PTCD3: variants seen among roughly 807,000 people sequenced by gnomAD.
The protein encoded by PTCD3 is small ribosomal subunit protein mS39.
PTCD3 carries 89 observed loss-of-function variants against 101.9 expected under a neutral mutation model. That is an observed-to-expected ratio of 0.87 (90% CI 0.74 to 1.04). The LOEUF (loss-of-function observed/expected upper bound fraction) is 1.04. Among genes scored for constraint, PTCD3 ranks in the 50% least tolerant of loss-of-function variants. The pLI is 0.00. For missense variants in PTCD3, 870 were observed against 828.2 expected (o/e 1.05, Z -0.62); for synonymous variants, 296 against 278.5 (o/e 1.06, Z -0.63).
At position 86,141,959 on chromosome 2, in the gene PTCD3, A is replaced by G. The variant is rs1360465534; in HGVS notation, c.*4400A>G. On this transcript the variant is annotated 3_prime_UTR_variant, in exon 24 of 24. Coordinates refer to ENST00000254630, the MANE Select transcript of PTCD3 (RefSeq NM_017952.6). ...TGCTTTTTGCACATGTTACTGAGTT[A>G]CATCTCAGGAAGATTTTTAAGCACG... 1 of 152,176 alleles carries G rather than the reference A, an allele frequency of 6.6e-6. No homozygotes were observed. Among genetic ancestry groups the G allele is most frequent in the African/African-American group, 2.4e-5 (1 of 41,416 alleles). 9.4% of individuals were successfully genotyped at this position (152,176 alleles called of 1,614,324 possible). A position where few individuals can be genotyped will look rare whatever the true frequency, so the allele number is the denominator to read the frequency against.
chr2:86,116,988 C>A, intron 5 of PTCD3, 67 bp from the exon 6 acceptor site: 1 of 700,522 alleles, frequency 1.4e-6, no homozygotes, highest in Non-Finnish European at 2.5e-6. Flanking sequence ...GAAATTCTTG[C>A]TGAGAGTGTA....
At chr2:86,130,510 A>G in intron 14 of PTCD3, 138 bp from the exon 15 acceptor site, 3 of 1,333,638 alleles carry the variant, frequency 2.2e-6, no homozygotes, top group South Asian at 1.9e-5. Context: ...TTTAGCAAGC[A>G]TTGGCCTCCA....
In PTCD3 at chr2:86,108,394, A is replaced by G; in HGVS notation, c.149A>G (p.Asp50Gly). 1 of 1,607,272 alleles carries G rather than the reference A, an allele frequency of 6.2e-7. No homozygotes were observed. Among genetic ancestry groups the G allele is most frequent in the Non-Finnish European group, 8.5e-7 (1 of 1,177,652 alleles). ...ACCCTCTCAAAGGTTGAAGGAACTG[A>G]TGTAACAGGTATATTTTAAAATATA... ...SATLSKVEGTDVTGIEEVVIP... is the reference protein window; with the variant it reads ...SATLSKVEGTGVTGIEEVVIP... The change falls in exon 2 of 24, where the codon GAT becomes GGT. Residue 50 changes from aspartate to glycine, a missense_variant. Transcript: ENST00000254630.
intron 4 of PTCD3, chr2:86,111,752 GT>G: frequency 6.4e-6 from 1 of 156,338 alleles, no homozygotes; most frequent in Non-Finnish European, 1.4e-5. Flanking sequence ...TGTTTGTTTT[GT>G]TTTGTTTGAG....
Position 86,127,247 on chromosome 2 carries a change from T to C in PTCD3, c.1038T>C (p.His346=). ...NTILKCLRRF[H]VFARSPALQV... ...TTCTGAAATGTCTCCGAAGATTTCATGTGTTTGCAAGATCGCCAGCCTTAC... is the reference window on the plus strand; with the variant it reads ...TTCTGAAATGTCTCCGAAGATTTCACGTGTTTGCAAGATCGCCAGCCTTAC... Residue 346 remains histidine, a synonymous_variant, in exon 13 of 24, where the codon CAT becomes CAC. Transcript: ENST00000254630. 2.5e-6 allele frequency: 4 copies of C among 1,614,134 alleles called. No individual in the cohort carries two copies. The highest frequency in any genetic ancestry group is 2.2e-5 in the South Asian group (2 of 91,082).
chr2:86,118,071 G>A lies in PTCD3; in HGVS notation c.415-850G>A, dbSNP rs560000946. Among the ~76,000 whole-genome samples, 192 of 152,138 alleles carry A rather than the reference G, an allele frequency of 1.3e-3. 3 individuals are homozygous for A. Among genetic ancestry groups the A allele is most frequent in the Non-Finnish European group, 4.0e-4 (27 of 68,030 alleles). On this transcript the variant is annotated intron_variant, in intron 6 of 23. Coordinates refer to ENST00000254630, the MANE Select transcript of PTCD3 (RefSeq NM_017952.6). ...ATTACAGGTGTGAGCCACCGTGTCC[G>A]GCCTTGATCCACTTCTTAAGCATGG...
At position 86,137,138 on chromosome 2, in the gene PTCD3, AAAGT is replaced by A. The variant is rs1277440139; in HGVS notation, c.1979+3_1979+6del. On this transcript the variant is annotated splice_donor_variant and coding_sequence_variant, in exon 23 of 24. Transcript: ENST00000254630. LOFTEE classifies it high-confidence loss of function. ...GTGATTTTGCAATCAACCAGGAACA[AAAGT>A]AAGTGGTCACCATGAAGCATAGTTT... 1 of 1,580,848 alleles carries A rather than the reference AAAGT, an allele frequency of 6.3e-7. No individual in the cohort carries two copies. Among genetic ancestry groups the A allele is most frequent in the African/African-American group, 1.4e-5 (1 of 73,762 alleles).
intron 9 of PTCD3, 63 bp from the exon 10 acceptor site, chr2:86,124,932 A>G (rs1674355907): frequency 6.3e-7 from 1 of 1,588,296 alleles, no homozygotes; most frequent in South Asian, 1.1e-5. Context: ...CCGTCAGTAA[A>G]TGGTGGTAGC....
chr2:86,130,751 T>G lies in PTCD3; in HGVS notation c.1237+14T>G. 1.2e-6 allele frequency: 2 copies of G among 1,612,378 alleles called. No individual in the cohort carries two copies. Among genetic ancestry groups the G allele is most frequent in the Non-Finnish European group, 1.7e-6 (2 of 1,179,224 alleles). On this transcript the variant is annotated intron_variant, in intron 15 of 23. Transcript: ENST00000254630. ...ACCCGGATGATGGCATGTATAGAAA[T>G]CACTTGTGTTTTCCTCCTCTAAAGA... is the stretch of plus-strand genomic sequence containing the variant.
Position 86,127,995 on chromosome 2 carries a change from T to G in PTCD3, c.1147+4T>G, listed in dbSNP as rs766041228. Reference sequence around the variant, plus strand: ...ATTCGCCTGTTTGATCAACCTGGTATGTATGGCCTTAAATTGTGTTAATTT... The same window carrying G: ...ATTCGCCTGTTTGATCAACCTGGTAGGTATGGCCTTAAATTGTGTTAATTT... On this transcript the variant is annotated splice_donor_region_variant and intron_variant, in intron 14 of 23. Coordinates refer to ENST00000254630, the MANE Select transcript of PTCD3 (RefSeq NM_017952.6). 2 of 1,596,336 alleles carry G rather than the reference T, an allele frequency of 1.3e-6. No homozygotes were observed. The highest frequency in any genetic ancestry group is 1.7e-6 in the Non-Finnish European group (2 of 1,164,038).
At chr2:86,107,001 A>G (rs1673968217) in intron 1 of PTCD3, 1 of 404,120 alleles carries the variant, frequency 2.5e-6, no homozygotes, top group African/African-American at 2.1e-5. Flanking sequence ...TAATTGGATG[A>G]TAATAGACAG....
chr2:86,107,398 G>A (rs1287762320), intron 1 of PTCD3, among the ~76,000 whole-genome samples: 1 of 152,198 alleles, frequency 6.6e-6, no homozygotes, highest in Non-Finnish European at 1.5e-5. Flanking sequence ...GGGTATTCTT[G>A]TTTTAAATGA....
At chr2:86,136,375 A>G in intron 21 of PTCD3, 146 bp from the exon 22 acceptor site, 1 of 752,868 alleles carries the variant, frequency 1.3e-6, no homozygotes. Context: ...GGGAGCTAGT[A>G]GAGCCCACAG....
Position 86,118,987 on chromosome 2 carries a change from A to G in PTCD3, c.481A>G (p.Ile161Val), listed in dbSNP as rs754367890. 5 of 1,613,974 alleles carry G rather than the reference A, an allele frequency of 3.1e-6. No individual in the cohort carries two copies. In the African/African-American group the frequency reaches 4.0e-5, roughly 13 times the overall value. ...DISEAALKER[I>V]ELRKVKASVD... ...AAGTGAAGCCGCCCTGAAGGAACGA[A>G]TTGAGCTCAGAAAAGTCAAAGCCTC... is the stretch of plus-strand genomic sequence containing the variant. Residue 161 changes from isoleucine (I) to valine (V), a missense_variant, in exon 7 of 24, where the codon ATT becomes GTT. By Grantham distance (29) the Ile-to-Val change is conservative. Transcript: ENST00000254630.
intron 17 of PTCD3, chr2:86,132,720 C>T (rs376225929): frequency 2.3e-4 from 74 of 320,984 alleles, no homozygotes; most frequent in African/African-American, 1.5e-3. Context: ...GCAGGGTGAG[C>T]CCTGAAGATT....
chr2:86,125,199 A>G, intron 10 of PTCD3, 117 bp downstream of exon 10: 2 of 1,466,098 alleles, frequency 1.4e-6, no homozygotes, highest in Non-Finnish European at 1.8e-6. Context: ...TGTGCATTGT[A>G]GGATGTTAGT....
chr2:86,131,449 C>G (rs1674493582), intron 16 of PTCD3, among the ~76,000 whole-genome samples: 1 of 152,148 alleles, frequency 6.6e-6, no homozygotes, highest in Non-Finnish European at 1.5e-5. Flanking sequence ...GTTGACCAGA[C>G]TGGTCTTGAA....
chr2:86,114,146 T>C (rs1402930973), intron 4 of PTCD3, among the ~76,000 whole-genome samples: 1 of 152,252 alleles, frequency 6.6e-6, no homozygotes, highest in Non-Finnish European at 1.5e-5. Context: ...CAACAATATT[T>C]TGTGCCCTTA....
rs1285242001 is a variant in PTCD3, at chr2:86,139,942, G to C, written c.*2383G>C. On this transcript the variant is annotated 3_prime_UTR_variant, in exon 24 of 24. Coordinates refer to ENST00000254630, the MANE Select transcript of PTCD3 (RefSeq NM_017952.6). ...GTAGAAGTCAGAAACTAGACTTCTA[G>C]TTTGGTTCAACATTTGAGGGTTGTT... The C allele has an allele frequency of 6.6e-6, 1 of 152,190 alleles. No homozygotes were observed. Among genetic ancestry groups the C allele is most frequent in the Non-Finnish European group, 1.5e-5 (1 of 68,036 alleles). The allele number at this position is 152,190 out of a possible 1,614,324, so 9.4% of individuals were successfully genotyped here.
Sources: allele counts gnomAD v4.1 joint callset (sites outside exome capture counted in the v4.1 genomes callset), GRCh38; gene constraint gnomAD v4.1.1; transcripts MANE v1.5; gene names NCBI Gene and HGNC (gene_info 2026-07-23, HGNC 2026-07-21).